OXNAD1: variants seen among roughly 807,000 people sequenced by gnomAD.
OXNAD1 encodes the protein oxidoreductase NAD binding domain containing 1.
A neutral mutation model predicts 32.9 loss-of-function variants in OXNAD1; 34 were observed. The observed-to-expected ratio is 1.03, with a 90% confidence interval of 0.79 to 1.38. The LOEUF is 1.38. Ranked by LOEUF, OXNAD1 falls within the 40% of genes most tolerant of loss-of-function variation. The probability of loss-of-function intolerance (pLI) is 0.00; values close to 1 mark genes in which losing one functional copy is unlikely to be tolerated. For synonymous variants in OXNAD1, 134 were observed against 135.2 expected, an observed-to-expected ratio of 0.99 and a Z score of 0.06; for missense variants, 407 against 379.4, an observed-to-expected ratio of 1.07 and a Z score of -0.60.
Position 16,294,985 on chromosome 3 carries a change from G to C in OXNAD1, c.420G>C (p.Trp140Cys). ...VKYTNHPPAL[W>C]VHNTCTLDCE... ...ATACGAACCACCCTCCTGCCCTCTG[G>C]GTTCACAATACGGTAAGCACACTGC... The change falls in exon 6 of 9, where the codon TGG (tryptophan) becomes TGC (cysteine). Residue 140 changes from tryptophan (W) to cysteine (C), a missense_variant. By Grantham distance (215) the Trp-to-Cys change is radical. Transcript: ENST00000285083. The C allele has an allele frequency of 6.2e-7, 1 of 1,610,596 alleles. No homozygotes were observed. Among genetic ancestry groups the C allele is most frequent in the South Asian group, 1.1e-5 (1 of 90,526 alleles).
chr3:16,330,925 A>C (rs2070245643), intron 9 of OXNAD1, among the ~76,000 whole-genome samples: 1 of 152,230 alleles, frequency 6.6e-6, no homozygotes, highest in Non-Finnish European at 1.5e-5. Flanking sequence ...TTGCATTCTG[A>C]ATGTCAGTTT....
At position 16,299,315 on chromosome 3, in the gene OXNAD1, A is replaced by G. The variant is rs1213804080; in HGVS notation, c.433-2311A>G. On this transcript the variant is annotated intron_variant, in intron 6 of 8. Coordinates refer to ENST00000285083, the MANE Select transcript of OXNAD1 (RefSeq NM_138381.5). This position sits in a 1 kb window ranked among gnomAD's most constrained non-coding sequence, Gnocchi z 4.4. ...TCTTGTATCTTAAATTCTATTTTTG[A>G]GACTTGAAAGGAAAGAATATTTTAA... is the stretch of plus-strand genomic sequence containing the variant. Among the ~76,000 whole-genome samples the G allele has an allele frequency of 1.3e-5, 2 of 152,164 alleles. No homozygotes were observed. The highest frequency in any genetic ancestry group is 3.8e-4 in the East Asian group (2 of 5,206).
rs1008442148 is a variant in OXNAD1, at chr3:16,280,184, G to A, written c.184-6158G>A. Among the ~76,000 whole-genome samples the A allele has an allele frequency of 4.6e-5, 7 of 152,140 alleles. No individual in the cohort carries two copies. The highest frequency in any genetic ancestry group is 1.7e-4 in the African/African-American group (7 of 41,410). On this transcript the variant is annotated intron_variant, in intron 4 of 8. Transcript: ENST00000285083. This position sits in a 1 kb window ranked among gnomAD's most constrained non-coding sequence, Gnocchi z 4.5. Reference sequence around the variant, plus strand: ...GTTGTTGTTGTTACATGTTACATGAGGTGGGAGATCCTAGAGCTCGTGTGT... The same window carrying A: ...GTTGTTGTTGTTACATGTTACATGAAGTGGGAGATCCTAGAGCTCGTGTGT...
chr3:16,312,327 T>C lies in OXNAD1; in HGVS notation c.*30+8735T>C, dbSNP rs1356180300. On this transcript the variant is annotated intron_variant, in intron 9 of 9. Transcript: ENST00000435829. The surrounding 1 kb of genome is among the most constrained non-coding windows in gnomAD (Gnocchi z 4.7). ...CATCAGTGGTTTTGGCGGGTCATAG[T>C]GCAGGCAGAGCACTAATCACCAGGG... Among the ~76,000 whole-genome samples, 1 of 152,164 alleles carries C rather than the reference T, an allele frequency of 6.6e-6. No homozygotes were observed. The highest frequency in any genetic ancestry group is 1.5e-5 in the Non-Finnish European group (1 of 68,026).
rs1004067315 is a variant in OXNAD1, at chr3:16,346,485, T to C, written c.*31-2691T>C. ...CAAACCGTCAACAAGTCCAGTCTTC[T>C]TGAAAATACCTCTAGGAGCATCCTG... On this transcript the variant is annotated intron_variant, in intron 9 of 9. Transcript: ENST00000606098. This position sits in a 1 kb window ranked among gnomAD's most constrained non-coding sequence, Gnocchi z 4.4. 1 of 152,178 alleles carries C rather than the reference T, an allele frequency of 6.6e-6. No homozygotes were observed. The highest frequency in any genetic ancestry group is 1.5e-5 in the Non-Finnish European group (1 of 68,022). The allele number at this position is 152,178 out of a possible 1,614,324, so 9.4% of individuals were successfully genotyped here. A position where few individuals can be genotyped will look rare whatever the true frequency, so the allele number is the denominator to read the frequency against.
chr3:16,303,478 A>T lies in OXNAD1; in HGVS notation c.855A>T (p.Pro285=), dbSNP rs1214887223. Residue 285 remains proline, a synonymous_variant, in exon 9 of 9, where the codon CCA becomes CCT. Coordinates refer to ENST00000285083, the MANE Select transcript of OXNAD1 (RefSeq NM_138381.5). This position sits in a 1 kb window ranked among gnomAD's most constrained non-coding sequence, Gnocchi z 4.8. The stretch of plus-strand genomic sequence containing the variant: ...AGACTTTGTTCTATATTTGTGGCCC[A>T]CCTCCAATGACAGACTTTTTCTCCA... ...SKETLFYICG[P]PPMTDFFSKQ... 2 of 1,613,896 alleles carry T rather than the reference A, an allele frequency of 1.2e-6. No homozygotes were observed. Among genetic ancestry groups the T allele is most frequent in the African/African-American group, 2.7e-5 (2 of 74,910 alleles).
downstream of OXNAD1, among the ~76,000 whole-genome samples, chr3:16,341,724 A>G (rs2071330360): frequency 6.6e-6 from 1 of 152,214 alleles, no homozygotes; most frequent in Non-Finnish European, 1.5e-5. The surrounding 1 kb of genome is among the most constrained non-coding windows in gnomAD (Gnocchi z 4.7). Context: ...ATGGAAAACT[A>G]ATTAAATAAA....
downstream of OXNAD1, among the ~76,000 whole-genome samples, chr3:16,338,006 C>T (rs965288258): frequency 1.1e-4 from 17 of 152,202 alleles, no homozygotes; most frequent in Admixed American, 3.3e-4. This position sits in a 1 kb window ranked among gnomAD's most constrained non-coding sequence, Gnocchi z 5.3. Flanking sequence ...CTGGGTAGAT[C>T]GTCCTAGCTC....
chr3:16,301,708 T>G lies in OXNAD1; in HGVS notation c.515T>G (p.Leu172Arg). The G allele has an allele frequency of 6.2e-7, 1 of 1,614,022 alleles. No homozygotes were observed. Among genetic ancestry groups the G allele is most frequent in the Non-Finnish European group, 8.5e-7 (1 of 1,179,982 alleles). Residue 172 changes from leucine (L) to arginine (R), a missense_variant, in exon 7 of 9, where the codon CTC becomes CGC. Physicochemically the swap from Leu to Arg is moderately radical, Grantham distance 102 (BLOSUM62 -2). Coordinates refer to ENST00000285083, the MANE Select transcript of OXNAD1 (RefSeq NM_138381.5). This position sits in a 1 kb window ranked among gnomAD's most constrained non-coding sequence, Gnocchi z 4.1. ...DPQPADASRNLVLIAGGVGIN... is the reference protein window; with the variant it reads ...DPQPADASRNRVLIAGGVGIN... ...CAGCCTGCGGATGCCTCTAGAAACC[T>G]CGTGTTGATTGCAGGAGGAGTCGGA...
intron 5 of OXNAD1, among the ~76,000 whole-genome samples, chr3:16,293,062 A>G (rs933486069): frequency 2.6e-5 from 4 of 152,210 alleles, no homozygotes; most frequent in Admixed American, 6.5e-5. Flanking sequence ...TACAATGAAA[A>G]CACCTGGGGT....
chr3:16,339,999 G>C (rs2071205724), downstream of OXNAD1: 1 of 152,166 alleles, frequency 6.6e-6, no homozygotes, highest in Non-Finnish European at 1.5e-5. Flanking sequence ...AGGATGCTGT[G>C]TTACCATTTT....
downstream of OXNAD1, among the ~76,000 whole-genome samples, chr3:16,341,659 CT>C (rs1481018370): frequency 2.2e-4 from 34 of 152,120 alleles, no homozygotes; most frequent in African/African-American, 8.0e-4. This position sits in a 1 kb window ranked among gnomAD's most constrained non-coding sequence, Gnocchi z 4.7. Context: ...TGAATCAAAA[CT>C]GACATGAATT....
At chr3:16,285,736 G>A (rs975156754) in intron 4 of OXNAD1, among the ~76,000 whole-genome samples, 4 of 152,042 alleles carry the variant, frequency 2.6e-5, no homozygotes, top group Admixed American at 6.5e-5. Flanking sequence ...ATAAAATATC[G>A]TGTGATAAAA....
At chr3:16,285,461 T>A (rs1316574755) in intron 4 of OXNAD1, among the ~76,000 whole-genome samples, 3 of 152,112 alleles carry the variant, frequency 2.0e-5, no homozygotes, top group Non-Finnish European at 2.9e-5. Context: ...AAGGAAAGAG[T>A]CATGTTGTCT....
At position 16,314,158 on chromosome 3, in the gene OXNAD1, C is replaced by T. The variant is rs1021029854; in HGVS notation, c.*30+10566C>T. 1.3e-5 allele frequency among the ~76,000 whole-genome samples: 2 copies of T among 152,078 alleles called. No homozygotes were observed. The highest frequency in any genetic ancestry group is 2.1e-4 in the South Asian group (1 of 4,816). The stretch of plus-strand genomic sequence containing the variant: ...GCCTCACAGACTTAACTGCCAAGTG[C>T]ACAAGCTTCCTCATGCCAAACCCTG... On this transcript the variant is annotated intron_variant, in intron 9 of 9. Coordinates refer to the OXNAD1 transcript ENST00000435829. The surrounding 1 kb of genome is among the most constrained non-coding windows in gnomAD (Gnocchi z 4.4).
chr3:16,271,516 A>G lies in OXNAD1; in HGVS notation c.120-143A>G. 1 of 673,240 alleles carries G rather than the reference A, an allele frequency of 1.5e-6. No homozygotes were observed. Among genetic ancestry groups the G allele is most frequent in the South Asian group, 2.5e-5 (1 of 39,888 alleles). The allele number at this position is 673,240 out of a possible 1,614,324, so 41.7% of individuals were successfully genotyped here. On this transcript the variant is annotated intron_variant, in intron 3 of 8. Transcript: ENST00000285083. This position sits in a 1 kb window ranked among gnomAD's most constrained non-coding sequence, Gnocchi z 4.6. The stretch of plus-strand genomic sequence containing the variant: ...ACCATGCCCGGCCAAAACTTTAGTT[A>G]GACGGGCAGATACTCACTGGCCATT...
downstream of OXNAD1, among the ~76,000 whole-genome samples, chr3:16,338,309 C>G (rs916497652): frequency 6.6e-6 from 1 of 152,226 alleles, no homozygotes; most frequent in Non-Finnish European, 1.5e-5. This position sits in a 1 kb window ranked among gnomAD's most constrained non-coding sequence, Gnocchi z 5.3. Context: ...CTCCTGATCA[C>G]AGGGAAGGTA....
chr3:16,310,769 C>T (rs1346260875), downstream of OXNAD1, among the ~76,000 whole-genome samples: 5 of 152,034 alleles, frequency 3.3e-5, no homozygotes, highest in Non-Finnish European at 5.9e-5. Flanking sequence ...GTGGGCAAAT[C>T]ACCTGAGGTC....
rs80123620 is a variant in OXNAD1 at position 16,266,272 on chromosome 3, A to G, written c.-159+767A>G. 6.1e-3 allele frequency among the ~76,000 whole-genome samples: 934 copies of G among 152,350 alleles called. 7 individuals carry two copies. The highest frequency in any genetic ancestry group is 0.021 in the African/African-American group (883 of 41,580). On this transcript the variant is annotated intron_variant, in intron 1 of 8. Coordinates refer to ENST00000285083, the MANE Select transcript of OXNAD1 (RefSeq NM_138381.5). Reference sequence around the variant, plus strand: ...GCTTTACTTGGTTCAGCAATGATATATAACATTTAGTTTACATTTACGTAA... The same window carrying G: ...GCTTTACTTGGTTCAGCAATGATATGTAACATTTAGTTTACATTTACGTAA...
Sources: allele counts gnomAD v4.1 joint callset (sites outside exome capture counted in the v4.1 genomes callset), GRCh38; gene constraint gnomAD v4.1.1; non-coding constraint Gnocchi (gnomAD v3.1); transcripts MANE v1.5; gene names NCBI Gene and HGNC (gene_info 2026-07-23, HGNC 2026-07-21).